The following OLFML2B variants were observed in gnomAD, a reference collection of about 807,000 sequenced individuals.
The protein encoded by OLFML2B is olfactomedin like 2B.
Under a neutral mutation model 74.9 loss-of-function variants are expected in OLFML2B, and 57 were observed. That is an observed-to-expected ratio of 0.76 (90% CI 0.61 to 0.95). The LOEUF is 0.95. Ranked by LOEUF, OLFML2B falls within the 40% of genes least tolerant of loss-of-function variation. OLFML2B has a pLI of 0.00. For missense variants in OLFML2B, 986 were observed against 970.6 expected, an observed-to-expected ratio of 1.02 and a Z score of -0.21; for synonymous variants, 388 against 405.8, an observed-to-expected ratio of 0.96 and a Z score of 0.53.
chr1:161,989,650 C>A (rs1689681945), intron 6 of OLFML2B, among the ~76,000 whole-genome samples: 2 of 152,210 alleles, frequency 1.3e-5, no homozygotes, highest in South Asian at 4.1e-4. Flanking sequence ...CTGTCACCAT[C>A]TTGAATATCT....
intron 4 of OLFML2B, among the ~76,000 whole-genome samples, chr1:162,005,161 G>A (rs1484177369): frequency 6.6e-6 from 1 of 152,206 alleles, no homozygotes; most frequent in Non-Finnish European, 1.5e-5. Flanking sequence ...TACATTAAAT[G>A]GTAGCACTTA....
At chr1:161,985,832 C>T (rs1689578579) in intron 6 of OLFML2B, among the ~76,000 whole-genome samples, 1 of 152,174 alleles carries the variant, frequency 6.6e-6, no homozygotes, top group South Asian at 2.1e-4. Context: ...CTTCAGAGAT[C>T]AAGTCGGCCA....
intron 6 of OLFML2B, among the ~76,000 whole-genome samples, chr1:161,989,026 AT>A (rs1294501747): frequency 6.6e-6 from 1 of 152,068 alleles, no homozygotes; most frequent in Non-Finnish European, 1.5e-5. Flanking sequence ...ACTGAGTAAC[AT>A]CTTGACCCTG....
At chr1:162,015,817 G>C (rs951174333) in intron 3 of OLFML2B, among the ~76,000 whole-genome samples, 1 of 152,184 alleles carries the variant, frequency 6.6e-6, no homozygotes, top group South Asian at 2.1e-4. Context: ...TTCTTTGAGA[G>C]AACCCCTTGA....
chr1:161,999,702 A>G (rs1558059486), intron 5 of OLFML2B, among the ~76,000 whole-genome samples: 1 of 152,170 alleles, frequency 6.6e-6, no homozygotes, highest in Non-Finnish European at 1.5e-5. Flanking sequence ...AAGGACAGAG[A>G]TCAAAGGGGA....
chr1:162,009,317 A>G lies in OLFML2B; in HGVS notation c.547-2844T>C, dbSNP rs140870359. ...GGCCCAGCTCTGGCCCTAGGACTCT[A>G]CTAAAGGTGGTGACACCTCTGGGTG... On this transcript the variant is annotated intron_variant, in intron 3 of 7. Transcript: ENST00000294794. Among the ~76,000 whole-genome samples, 5 of 152,244 alleles carry G rather than the reference A, an allele frequency of 3.3e-5. No individual in the cohort carries two copies. In the East Asian group the frequency reaches 9.7e-4, roughly 29 times the overall value.
intron 1 of OLFML2B, 87 bp from the exon 2 acceptor site, chr1:162,020,269 T>G (rs1690665384): frequency 6.7e-7 from 1 of 1,483,056 alleles, no homozygotes; most frequent in African/African-American, 1.4e-5. Context: ...CTTAGTCAAA[T>G]GTCCTGCACT....
At chr1:162,022,599 T>C (rs142628900) in intron 1 of OLFML2B, among the ~76,000 whole-genome samples, 2 of 152,180 alleles carry the variant, frequency 1.3e-5, no homozygotes, top group African/African-American at 4.8e-5. Context: ...TTAGGGTGTT[T>C]TGAAGATTGA....
chr1:161,999,159 A>G (rs1690014540), intron 5 of OLFML2B, among the ~76,000 whole-genome samples: 2 of 152,202 alleles, frequency 1.3e-5, no homozygotes. Flanking sequence ...TTGAGCAGAG[A>G]TGGAATATGG....
rs1344603238 is a variant in OLFML2B, at chr1:161,998,309, C to G, written c.990G>C (p.Leu330=). 1 of 1,581,720 alleles carries G rather than the reference C, an allele frequency of 6.3e-7. No homozygotes were observed. The highest frequency in any genetic ancestry group is 1.1e-5 in the South Asian group (1 of 88,332). The change falls in exon 6 of 8, where the codon CTG becomes CTC. Residue 330 remains leucine, a synonymous_variant. Transcript: ENST00000294794. ...TGTGTCTCAGGAGCTGATCTTCAAT[C>G]AGCAAATCCACTCCATTGTCACCGC... ...FFSGDNGVDL[L]IEDQLLRHNG... is the part of the protein sequence containing the mutation.
intron 6 of OLFML2B, among the ~76,000 whole-genome samples, chr1:161,994,432 C>G (rs1212934864): frequency 6.6e-6 from 1 of 152,230 alleles, no homozygotes; most frequent in African/African-American, 2.4e-5. Flanking sequence ...CAAATAGGAG[C>G]CAGGCTCTCT....
chr1:161,994,981 A>C (rs1689851701), intron 6 of OLFML2B, among the ~76,000 whole-genome samples: 1 of 152,202 alleles, frequency 6.6e-6, no homozygotes, highest in Admixed American at 6.5e-5. Flanking sequence ...CCCAGGTAGC[A>C]AATCAGTGGC....
At chr1:162,005,632 C>T (rs370106359) in intron 4 of OLFML2B, among the ~76,000 whole-genome samples, 3 of 152,218 alleles carry the variant, frequency 2.0e-5, no homozygotes, top group African/African-American at 7.2e-5. Flanking sequence ...TGGCCCACGC[C>T]TGTCATCCCA....
chr1:162,022,247 T>A (rs191911463), intron 1 of OLFML2B, among the ~76,000 whole-genome samples: 1 of 13,070 alleles, frequency 7.7e-5, no homozygotes. Flanking sequence ...ATCTCTTCTT[T>A]TTTTTTTTTT....
At chr1:161,988,435 G>T (rs1689647310) in intron 6 of OLFML2B, among the ~76,000 whole-genome samples, 1 of 152,106 alleles carries the variant, frequency 6.6e-6, no homozygotes, top group African/African-American at 2.4e-5. Context: ...AACCTCGTCA[G>T]CAATGCCTCT....
chr1:162,022,241 C>CGTCTTTTTTTTTTT, intron 1 of OLFML2B, among the ~76,000 whole-genome samples: 1 of 98,246 alleles, frequency 1.0e-5, no homozygotes, highest in Non-Finnish European at 1.9e-5. Context: ...CCATGTATCT[C>CGTCTTTTTTTTTTT]TTCTTTTTTT....
rs1689969293 is a variant in OLFML2B at position 161,998,076 on chromosome 1, G to A, written c.1223C>T (p.Ser408Leu). The A allele has an allele frequency of 6.2e-7, 1 of 1,613,936 alleles. No homozygotes were observed. The highest frequency in any genetic ancestry group is 1.1e-5 in the South Asian group (1 of 91,088). Reference sequence around the variant, plus strand: ...TACCTGAGGAGAAGGCTGCAGGACTGACTCCCTTGTGGGATCTGGAGACAC... The same window carrying A: ...TACCTGAGGAGAAGGCTGCAGGACTAACTCCCTTGTGGGATCTGGAGACAC... ...TSVSPDPTRE[S>L]VLQPSPQVPA... Residue 408 changes from serine (S) to leucine (L), a missense_variant, in exon 6 of 8, where the codon TCA (serine) becomes TTA (leucine). By Grantham distance (145) the Ser-to-Leu change is moderately radical. Transcript: ENST00000294794.
intron 6 of OLFML2B, among the ~76,000 whole-genome samples, chr1:161,985,389 G>A (rs1053496375): frequency 4.6e-5 from 7 of 152,128 alleles, no homozygotes; most frequent in Non-Finnish European, 1.0e-4. Context: ...TCTCCACAAT[G>A]TTTGTGCTTC....
chr1:161,998,137 G>A lies in OLFML2B; in HGVS notation c.1162C>T (p.His388Tyr). ...TGGAGTGTTGGTCCCACTGAGGCAT[G>A]GTTGGCGATGCTGGGATCTGAGGTC... ...PSTSDPSIAN[H>Y]ASVGPTLQTT... The change falls in exon 6 of 8, where the codon CAT becomes TAT. Residue 388 changes from histidine (H) to tyrosine (Y), a missense_variant. Coordinates refer to ENST00000294794, the MANE Select transcript of OLFML2B (RefSeq NM_015441.3). 6.2e-7 allele frequency: 1 copy of A among 1,614,096 alleles called. No individual in the cohort carries two copies. Among genetic ancestry groups the A allele is most frequent in the Non-Finnish European group, 8.5e-7 (1 of 1,180,038 alleles).
Sources: allele counts gnomAD v4.1 joint callset (sites outside exome capture counted in the v4.1 genomes callset), GRCh38; gene constraint gnomAD v4.1.1; transcripts MANE v1.5; gene names NCBI Gene and HGNC (gene_info 2026-07-23, HGNC 2026-07-21).